The following RAD51AP1 variants were observed in gnomAD, a reference collection of about 807,000 sequenced individuals.
The protein encoded by RAD51AP1 is RAD51-associated protein 1.
Under a neutral mutation model 34.3 loss-of-function variants are expected in RAD51AP1, and 14 were observed. The observed-to-expected ratio is 0.41, with a 90% CI of 0.27 to 0.64. The LOEUF is 0.64. RAD51AP1 is among the 30% of genes least tolerant of loss of function. The pLI is 0.33. For missense variants in RAD51AP1, 348 were observed against 386.9 expected, an observed-to-expected ratio of 0.90 and a Z score of 0.84; for synonymous variants, 114 against 129.8, an observed-to-expected ratio of 0.88 and a Z score of 0.83.
chr12:4,543,544 G>C (rs2137247556), intron 2 of RAD51AP1, among the ~76,000 whole-genome samples: 1 of 151,872 alleles, frequency 6.6e-6, no homozygotes, highest in South Asian at 2.1e-4. Context: ...TTAGTGAATT[G>C]GTTTTTGATA....
chr12:4,545,179 T>G lies in RAD51AP1; in HGVS notation c.210-1130T>G, dbSNP rs943528788. ...AAATGTCTATCTGCTAATGAATGGATAAGTAAAATGTGGTTTCCACAAAAT... is the reference window on the plus strand; with the variant it reads ...AAATGTCTATCTGCTAATGAATGGAGAAGTAAAATGTGGTTTCCACAAAAT... On this transcript the variant is annotated intron_variant, in intron 3 of 8. Transcript: ENST00000352618. 5 of 448,552 alleles carry G rather than the reference T, an allele frequency of 1.1e-5. No individual in the cohort carries two copies. In the East Asian group the frequency reaches 3.5e-4, roughly 31 times the overall value. 27.8% of individuals were successfully genotyped at this position (448,552 alleles called of 1,614,324 possible). A position where few individuals can be genotyped will look rare whatever the true frequency, so the allele number is the denominator to read the frequency against.
intron 2 of RAD51AP1, among the ~76,000 whole-genome samples, chr12:4,542,969 G>A (rs1447212652): frequency 6.6e-6 from 1 of 152,276 alleles, no homozygotes; most frequent in Non-Finnish European, 1.5e-5. Context: ...TACTACTATT[G>A]TAAAAATCCT....
At chr12:4,546,451 A>G (rs767292178) in intron 4 of RAD51AP1, 33 bp downstream of exon 4, 2 of 1,461,126 alleles carry the variant, frequency 1.4e-6, no homozygotes, top group Non-Finnish European at 1.9e-6. Context: ...TAGCTTTAAA[A>G]CCTTCTTAAT....
In RAD51AP1 at chr12:4,543,975, C is replaced by T. The variant is rs975759476; in HGVS notation, c.209+71C>T. On this transcript the variant is annotated intron_variant, in intron 3 of 8. Transcript: ENST00000352618. ...ATTTTAAAGAGACACAGATTCGAAC[C>T]CTTGATTTAAATTAGAACTTGGGCA... 36 of 1,291,850 alleles carry T rather than the reference C, an allele frequency of 2.8e-5. No individual in the cohort carries two copies. In the South Asian group the frequency reaches 6.3e-4, roughly 23 times the overall value. 80.0% of individuals were successfully genotyped at this position (1,291,850 alleles called of 1,614,324 possible). A position where few individuals can be genotyped will look rare whatever the true frequency, so the allele number is the denominator to read the frequency against.
At chr12:4,545,748 G>A in intron 3 of RAD51AP1, 1 of 1,607,168 alleles carries the variant, frequency 6.2e-7, no homozygotes, top group Non-Finnish European at 8.5e-7. Context: ...TTATTAGCAT[G>A]TCTTGTTTCC....
At chr12:4,544,978 T>A (rs1212279927) in intron 3 of RAD51AP1, among the ~76,000 whole-genome samples, 1 of 152,156 alleles carries the variant, frequency 6.6e-6, no homozygotes, top group Non-Finnish European at 1.5e-5. Context: ...AGTAAAATGG[T>A]GCAGCTAAAT....
intron 1 of RAD51AP1, among the ~76,000 whole-genome samples, chr12:4,541,616 G>A (rs11063217): frequency 0.079 from 11,951 of 152,006 alleles, 646 homozygotes; most frequent in Non-Finnish European, 0.12. Flanking sequence ...GGTATATCAG[G>A]TATAGTTGTA....
In RAD51AP1 at chr12:4,548,381, G is replaced by A. The variant is rs533852421; in HGVS notation, c.406+203G>A. Among the ~76,000 whole-genome samples the A allele has an allele frequency of 6.6e-5, 10 of 152,232 alleles. No individual in the cohort carries two copies. The South Asian group carries it at 1.9e-3, about 28-fold the overall frequency. The stretch of plus-strand genomic sequence containing the variant: ...CTTCCCTGAAGGGTCATAACTACCC[G>A]TGGCTTCTAGTTGGAGCAACTGACC... On this transcript the variant is annotated intron_variant, in intron 5 of 8. Transcript: ENST00000352618.
At chr12:4,551,831 TAGA>T (rs1343981785) in intron 6 of RAD51AP1, among the ~76,000 whole-genome samples, 5 of 152,168 alleles carry the variant, frequency 3.3e-5, no homozygotes, top group Non-Finnish European at 5.9e-5. Context: ...CAAAAGGGAA[TAGA>T]AGAAGAAGAG....
intron 6 of RAD51AP1, among the ~76,000 whole-genome samples, chr12:4,550,104 G>A (rs1944535528): frequency 6.6e-6 from 1 of 152,186 alleles, no homozygotes; most frequent in African/African-American, 2.4e-5. Flanking sequence ...ATCCGTAACT[G>A]AAGTGTTTGG....
At position 4,553,350 on chromosome 12, in the gene RAD51AP1, A is replaced by G. The variant is rs1244851166; in HGVS notation, c.721+203A>G. 38 of 327,654 alleles carry G rather than the reference A, an allele frequency of 1.2e-4. No individual in the cohort carries two copies. In the East Asian group the frequency reaches 2.1e-3, roughly 18 times the overall value. The allele number at this position is 327,654 out of a possible 1,614,324, so 20.3% of individuals were successfully genotyped here. A position where few individuals can be genotyped will look rare whatever the true frequency, so the allele number is the denominator to read the frequency against. ...CACTACGTATGCTAGCACTTACTGT[A>G]TATGACCTCACTTTGGTACTCATGG... is the stretch of plus-strand genomic sequence containing the variant. On this transcript the variant is annotated intron_variant, in intron 7 of 8. Coordinates refer to ENST00000352618, the MANE Select transcript of RAD51AP1 (RefSeq NM_006479.5).
chr12:4,540,365 T>C (rs1041980402), intron 1 of RAD51AP1, among the ~76,000 whole-genome samples: 8 of 152,178 alleles, frequency 5.3e-5, no homozygotes, highest in Non-Finnish European at 1.0e-4. Context: ...CCCTGGAAAC[T>C]TCTCTAGAGG....
At chr12:4,558,200 G>C (rs1366934957) in intron 8 of RAD51AP1, among the ~76,000 whole-genome samples, 3 of 151,916 alleles carry the variant, frequency 2.0e-5, no homozygotes, top group Non-Finnish European at 4.4e-5. Context: ...AATTAAGGAA[G>C]TGTAAATTAA....
chr12:4,550,520 T>C (rs16931542), intron 6 of RAD51AP1: 5,549 of 152,372 alleles, frequency 0.036, 333 homozygotes, highest in African/African-American at 0.12. Flanking sequence ...GCTGATTCTC[T>C]ATAGCACGGG....
chr12:4,546,249 T>C, intron 3 of RAD51AP1, 60 bp from the exon 4 acceptor site: 1 of 1,247,236 alleles, frequency 8.0e-7, no homozygotes, highest in Non-Finnish European at 1.1e-6. Context: ...TCTCAAACTT[T>C]GCTCTTTAGT....
chr12:4,550,897 A>G (rs1236759338), intron 6 of RAD51AP1, among the ~76,000 whole-genome samples: 2 of 152,112 alleles, frequency 1.3e-5, no homozygotes, highest in African/African-American at 4.8e-5. Flanking sequence ...GCTTTGGCCT[A>G]CCAAAGTGTT....
intron 8 of RAD51AP1, among the ~76,000 whole-genome samples, chr12:4,557,636 A>C (rs1381594053): frequency 2.0e-5 from 3 of 152,204 alleles, no homozygotes; most frequent in African/African-American, 7.2e-5. Flanking sequence ...ATAACTATAG[A>C]AATTTAAAAG....
chr12:4,540,074 G>A (rs1259258278), intron 1 of RAD51AP1, among the ~76,000 whole-genome samples: 1 of 152,134 alleles, frequency 6.6e-6, no homozygotes, highest in African/African-American at 2.4e-5. Context: ...TATTTCGGAG[G>A]CACTGTGGAC....
At chr12:4,550,109 G>A (rs1310946841) in intron 6 of RAD51AP1, among the ~76,000 whole-genome samples, 1 of 152,208 alleles carries the variant, frequency 6.6e-6, no homozygotes, top group Admixed American at 6.5e-5. Flanking sequence ...TAACTGAAGT[G>A]TTTGGGCCTT....
Sources: allele counts gnomAD v4.1 joint callset (sites outside exome capture counted in the v4.1 genomes callset), GRCh38; gene constraint gnomAD v4.1.1; transcripts MANE v1.5; gene names NCBI Gene and HGNC (gene_info 2026-07-23, HGNC 2026-07-21).